TTYH1: variants seen among roughly 807,000 people sequenced by gnomAD.
TTYH1 encodes the protein protein tweety homolog 1.
Under a neutral mutation model 61.2 loss-of-function variants are expected in TTYH1, and 33 were observed. The observed-to-expected ratio is 0.54, with a 90% confidence interval of 0.41 to 0.72. The LOEUF (loss-of-function observed/expected upper bound fraction) is 0.72, where lower values mean the gene tolerates loss of function less well. Among genes scored for constraint, TTYH1 ranks in the 30% least tolerant of loss-of-function variants. The pLI is 0.00. For synonymous variants in TTYH1, 308 were observed against 266.4 expected, an observed-to-expected ratio of 1.16 and a Z score of -1.52; for missense variants, 538 against 575.8, an observed-to-expected ratio of 0.93 and a Z score of 0.67.
Position 54,420,808 on chromosome 19 carries a change from G to A in TTYH1, c.306-469G>A, listed in dbSNP as rs565235901. Reference sequence around the variant, plus strand: ...CCTTAGGAACCCCCAGGAGGTGGGGGCGGAGAACGTCTCAGCACTGAAGGG... The same window carrying A: ...CCTTAGGAACCCCCAGGAGGTGGGGACGGAGAACGTCTCAGCACTGAAGGG... On this transcript the variant is annotated intron_variant, in intron 2 of 13. Transcript: ENST00000376530. The surrounding 1 kb of genome is among the most constrained non-coding windows in gnomAD (Gnocchi z 4.8). 2.1e-4 allele frequency: 37 copies of A among 178,040 alleles called. No individual in the cohort carries two copies. Among genetic ancestry groups the A allele is most frequent in the African/African-American group, 8.8e-4 (37 of 41,958 alleles). The allele number at this position is 178,040 out of a possible 1,614,324, so 11.0% of individuals were successfully genotyped here. A position where few individuals can be genotyped will look rare whatever the true frequency, so the allele number is the denominator to read the frequency against.
At position 54,415,987 on chromosome 19, in the gene TTYH1, G is replaced by A; in HGVS notation, c.126+309G>A. ...CGGGTGTCTGATACCTGCCTGGGAA[G>A]CCGGCCTCCAGGGTCATCGGGAGGG... On this transcript the variant is annotated intron_variant, in intron 1 of 13. Transcript: ENST00000376530. The surrounding 1 kb of genome is among the most constrained non-coding windows in gnomAD (Gnocchi z 5.2). 1 of 1,310,960 alleles carries A rather than the reference G, an allele frequency of 7.6e-7. No homozygotes were observed. The highest frequency in any genetic ancestry group is 1.3e-5 in the South Asian group (1 of 78,960). 81.2% of individuals were successfully genotyped at this position (1,310,960 alleles called of 1,614,324 possible). A position where few individuals can be genotyped will look rare whatever the true frequency, so the allele number is the denominator to read the frequency against.
intron 4 of TTYH1, among the ~76,000 whole-genome samples, chr19:54,426,238 G>A (rs1007391319): frequency 1.3e-5 from 2 of 152,186 alleles, no homozygotes; most frequent in African/African-American, 4.8e-5. Flanking sequence ...CCAGTTAAGC[G>A]GAGGGGCTGG....
chr19:54,427,433 A>G lies in TTYH1; in HGVS notation c.734+665A>G, dbSNP rs552808730. ...ATCCTGGCTAACACGGTGAAACCCC[A>G]TCTCTACTAAAAATACAAAAATTAG... On this transcript the variant is annotated intron_variant, in intron 5 of 13. Transcript: ENST00000376530. 1.7e-3 allele frequency among the ~76,000 whole-genome samples: 240 copies of G among 140,528 alleles called. 6 individuals are homozygous for G. The South Asian group carries it at 0.04, about 23-fold the overall frequency. The allele number at this position is 140,528 out of a possible 152,430, so 92.2% of individuals were successfully genotyped here. A position where few individuals can be genotyped will look rare whatever the true frequency, so the allele number is the denominator to read the frequency against.
At position 54,435,533 on chromosome 19, in the gene TTYH1, TC is replaced by T; in HGVS notation, c.1126-5del. On this transcript the variant is annotated splice_polypyrimidine_tract_variant and splice_region_variant and intron_variant, in intron 10 of 13. Transcript: ENST00000376530. ...GGGGACGCATGGCCTGATGACGCCC[TC>T]CCCTCAGGACTATGGTGCAGCCCTG... is the stretch of plus-strand genomic sequence containing the variant. 1 of 1,586,382 alleles carries T rather than the reference TC, an allele frequency of 6.3e-7. No individual in the cohort carries two copies.
At chr19:54,426,597 C>A in intron 4 of TTYH1, 76 bp from the exon 5 acceptor site, 1 of 1,138,504 alleles carries the variant, frequency 8.8e-7, no homozygotes, top group Non-Finnish European at 1.3e-6. Context: ...AGGGTGAATG[C>A]TGGTGGAGGG....
intron 10 of TTYH1, 41 bp downstream of exon 10, chr19:54,431,232 C>A (rs753612801): frequency 6.8e-6 from 10 of 1,463,248 alleles, no homozygotes; most frequent in Non-Finnish European, 9.6e-6. Flanking sequence ...CCACGGGGGG[C>A]CTCTGTCTCG....
chr19:54,419,373 G>A lies in TTYH1; in HGVS notation c.305+67G>A. On this transcript the variant is annotated intron_variant, in intron 2 of 13. Coordinates refer to ENST00000376530, the MANE Select transcript of TTYH1 (RefSeq NM_020659.4). The surrounding 1 kb of genome is among the most constrained non-coding windows in gnomAD (Gnocchi z 6.1). Reference sequence around the variant, plus strand: ...CCCCAAGCTCTTTGCTGGCCTTCCTGGGGGTGTCCTCCGGGGACATGGAGG... The same window carrying A: ...CCCCAAGCTCTTTGCTGGCCTTCCTAGGGGTGTCCTCCGGGGACATGGAGG... 2.7e-6 allele frequency: 4 copies of A among 1,497,054 alleles called. No homozygotes were observed. The South Asian group carries it at 4.7e-5, about 18-fold the overall frequency. The allele number at this position is 1,497,054 out of a possible 1,614,324, so 92.7% of individuals were successfully genotyped here.
chr19:54,431,128 G>A lies in TTYH1; in HGVS notation c.1062G>A (p.Leu354=). ...CTCTGCTGTCCTTGGAGGAGACTCT[G>A]AATGTGACAGAAGGAAATTTCCACC... is the stretch of plus-strand genomic sequence containing the variant. ...QKPLLSLEET[L]NVTEGNFHQL... is the part of the protein sequence containing the mutation. Residue 354 remains leucine (L), a synonymous_variant, in exon 10 of 14, where the codon CTG becomes CTA. Transcript: ENST00000376530. 1.2e-6 allele frequency: 2 copies of A among 1,614,012 alleles called. No homozygotes were observed. Among genetic ancestry groups the A allele is most frequent in the Non-Finnish European group, 1.7e-6 (2 of 1,179,906 alleles).
rs988042832 is a variant in TTYH1 at position 54,420,271 on chromosome 19, C to A, written c.305+965C>A. 6.6e-6 allele frequency among the ~76,000 whole-genome samples: 1 copy of A among 152,146 alleles called. No homozygotes were observed. Among genetic ancestry groups the A allele is most frequent in the Non-Finnish European group, 1.5e-5 (1 of 68,012 alleles). On this transcript the variant is annotated intron_variant, in intron 2 of 13. Coordinates refer to ENST00000376530, the MANE Select transcript of TTYH1 (RefSeq NM_020659.4). This position sits in a 1 kb window ranked among gnomAD's most constrained non-coding sequence, Gnocchi z 4.8. ...CCAGACGCCTGCCCCGGACCCACAG[C>A]GGGCAAGGGGAGGGACCTGTAGGGG...
Position 54,431,111 on chromosome 19 carries a change from T to C in TTYH1, c.1045T>C (p.Ser349Pro), listed in dbSNP as rs755871014. 1.2e-6 allele frequency: 2 copies of C among 1,613,438 alleles called. No homozygotes were observed. Among genetic ancestry groups the C allele is most frequent in the East Asian group, 4.5e-5 (2 of 44,858 alleles). The change falls in exon 10 of 14, where the codon TCC becomes CCC. Residue 349 changes from serine (S) to proline (P), a missense_variant. Ser to Pro is a moderately conservative substitution (Grantham distance 74, BLOSUM62 -1). Transcript: ENST00000376530. ...CCTCGCCCCGCAGAAGCCTCTGCTG[T>C]CCTTGGAGGAGACTCTGAATGTGAC... Reference protein sequence around the residue: ...QFPSAQKPLLSLEETLNVTEG... With the variant: ...QFPSAQKPLLPLEETLNVTEG...
chr19:54,424,897 G>A (rs1004913556), intron 4 of TTYH1, among the ~76,000 whole-genome samples: 3 of 152,080 alleles, frequency 2.0e-5, no homozygotes, highest in Non-Finnish European at 4.4e-5. Context: ...TTGTTACGGC[G>A]GGTCCTTGCT....
rs956483836 is a variant in TTYH1, at chr19:54,436,755, G to A, written c.*465G>A. ...CCTTATTTCTCCTCTCCCTTGATTC[G>A]GCCTCCTGGCCAGGGCTGGGACATC... On this transcript the variant is annotated 3_prime_UTR_variant, in exon 14 of 14. Coordinates refer to ENST00000376530, the MANE Select transcript of TTYH1 (RefSeq NM_020659.4). This position sits in a 1 kb window ranked among gnomAD's most constrained non-coding sequence, Gnocchi z 4.3. 3 of 245,760 alleles carry A rather than the reference G, an allele frequency of 1.2e-5. No homozygotes were observed. The highest frequency in any genetic ancestry group is 1.6e-5 in the Non-Finnish European group (2 of 125,238). 15.2% of individuals were successfully genotyped at this position (245,760 alleles called of 1,614,324 possible).
intron 7 of TTYH1, among the ~76,000 whole-genome samples, chr19:54,430,294 C>T (rs1363837358): frequency 6.6e-6 from 1 of 152,124 alleles, no homozygotes; most frequent in East Asian, 1.9e-4. Flanking sequence ...GGGAGTTTGG[C>T]CCCCTGGAGA....
rs897318388 is a variant in TTYH1, at chr19:54,429,624, T to C, written c.807+245T>C. Among the ~76,000 whole-genome samples, 2 of 146,418 alleles carry C rather than the reference T, an allele frequency of 1.4e-5. No homozygotes were observed. Among genetic ancestry groups the C allele is most frequent in the African/African-American group, 5.1e-5 (2 of 39,156 alleles). On this transcript the variant is annotated intron_variant, in intron 6 of 13. Coordinates refer to ENST00000376530, the MANE Select transcript of TTYH1 (RefSeq NM_020659.4). This position sits in a 1 kb window ranked among gnomAD's most constrained non-coding sequence, Gnocchi z 5.1. ...GGTCTGAGGGAGGAGGGGCTGGGGG[T>C]CTGGACTCCTGGGTGTGAGGGAGGA...
In TTYH1 at chr19:54,419,090, G is replaced by C. The variant is rs760734806; in HGVS notation, c.127-38G>C. ...AGGGGGATCTGAGTGTGGAACACAC[G>C]GGTGCCCTCGGAGGTCTGATGTCAC... On this transcript the variant is annotated intron_variant, in intron 1 of 13. Coordinates refer to ENST00000376530, the MANE Select transcript of TTYH1 (RefSeq NM_020659.4). The surrounding 1 kb of genome is among the most constrained non-coding windows in gnomAD (Gnocchi z 6.1). 8 of 1,578,780 alleles carry C rather than the reference G, an allele frequency of 5.1e-6. No homozygotes were observed. The African/African-American group carries it at 9.4e-5, about 19-fold the overall frequency.
rs1461634738 is a variant in TTYH1, at chr19:54,435,530, C to T, written c.1126-12C>T. 41 of 1,584,174 alleles carry T rather than the reference C, an allele frequency of 2.6e-5. No individual in the cohort carries two copies. The highest frequency in any genetic ancestry group is 2.3e-4 in the Middle Eastern group (1 of 4,416). ...GGTGGGGACGCATGGCCTGATGACG[C>T]CCTCCCCTCAGGACTATGGTGCAGC... On this transcript the variant is annotated splice_polypyrimidine_tract_variant and intron_variant, in intron 10 of 13. Coordinates refer to ENST00000376530, the MANE Select transcript of TTYH1 (RefSeq NM_020659.4).
At chr19:54,417,545 C>T (rs2083112931) in intron 1 of TTYH1, among the ~76,000 whole-genome samples, 1 of 152,010 alleles carries the variant, frequency 6.6e-6, no homozygotes, top group Non-Finnish European at 1.5e-5. Flanking sequence ...CACATATGCA[C>T]ACGCACATTG....
At position 54,417,790 on chromosome 19, in the gene TTYH1, A is replaced by C. The variant is rs182592838; in HGVS notation, c.127-1338A>C. On this transcript the variant is annotated intron_variant, in intron 1 of 13. Coordinates refer to ENST00000376530, the MANE Select transcript of TTYH1 (RefSeq NM_020659.4). Reference sequence around the variant, plus strand: ...CACACTCACATGCAGTCACGCATCCACACACACACTCATCCACACTGTTAC... The same window carrying C: ...CACACTCACATGCAGTCACGCATCCCCACACACACTCATCCACACTGTTAC... 3.9e-3 allele frequency among the ~76,000 whole-genome samples: 595 copies of C among 151,936 alleles called. 6 individuals carry two copies. The highest frequency in any genetic ancestry group is 0.011 in the African/African-American group (468 of 41,422).
intron 1 of TTYH1, chr19:54,418,825 G>T: frequency 6.2e-6 from 2 of 321,044 alleles, no homozygotes; most frequent in South Asian, 1.3e-4. Context: ...AGGAAACCCA[G>T]GCTCGGAGAA....
Sources: allele counts gnomAD v4.1 joint callset (sites outside exome capture counted in the v4.1 genomes callset), GRCh38; gene constraint gnomAD v4.1.1; non-coding constraint Gnocchi (gnomAD v3.1); transcripts MANE v1.5; gene names NCBI Gene and HGNC (gene_info 2026-07-23, HGNC 2026-07-21).